MFHAS1: variants seen among roughly 807,000 people sequenced by gnomAD.
MFHAS1 encodes the protein malignant fibrous histiocytoma-amplified sequence 1.
In MFHAS1, 50 loss-of-function variants were observed where a neutral mutation model predicts 70.4. The observed-to-expected ratio is 0.71, with a 90% CI of 0.57 to 0.90. The LOEUF (loss-of-function observed/expected upper bound fraction) is 0.90. MFHAS1 is among the 40% of genes least tolerant of loss of function. MFHAS1 has a pLI of 0.00. For missense variants in MFHAS1, 1,795 were observed against 1,347.6 expected, an observed-to-expected ratio of 1.33 and a Z score of -5.20; for synonymous variants, 952 against 620.0, an observed-to-expected ratio of 1.54 and a Z score of -7.96.
intron 1 of MFHAS1, among the ~76,000 whole-genome samples, chr8:8,802,112 C>G (rs1466113109): frequency 6.6e-6 from 1 of 152,190 alleles, no homozygotes; most frequent in Non-Finnish European, 1.5e-5. Flanking sequence ...GCACTTTTTA[C>G]TGGCTTAATG....
At chr8:8,811,065 A>G (rs2117282933) in intron 1 of MFHAS1, among the ~76,000 whole-genome samples, 1 of 152,210 alleles carries the variant, frequency 6.6e-6, no homozygotes, top group South Asian at 2.1e-4. Flanking sequence ...GCGCAGGCAG[A>G]AACATCTCCC....
intron 1 of MFHAS1, among the ~76,000 whole-genome samples, chr8:8,869,454 T>A (rs1239636782): frequency 6.6e-6 from 1 of 152,088 alleles, no homozygotes; most frequent in Non-Finnish European, 1.5e-5. Context: ...CGGTGACAGG[T>A]TACTAGATAT....
chr8:8,833,907 C>G (rs966893409), intron 1 of MFHAS1, among the ~76,000 whole-genome samples: 1 of 152,120 alleles, frequency 6.6e-6, no homozygotes, highest in African/African-American at 2.4e-5. Flanking sequence ...GGGCGGATCA[C>G]CTGAGGACAG....
intron 1 of MFHAS1, among the ~76,000 whole-genome samples, chr8:8,835,181 A>G (rs1807553126): frequency 1.8e-5 from 1 of 54,308 alleles, no homozygotes; most frequent in Non-Finnish European, 4.9e-5. Context: ...CATTTGGGGT[A>G]ATGGGAGTGA....
chr8:8,792,024 G>T (rs375474720), intron 2 of MFHAS1, among the ~76,000 whole-genome samples: 7 of 150,782 alleles, frequency 4.6e-5, no homozygotes, highest in Admixed American at 4.0e-4. Context: ...GGCGGATCAC[G>T]GTCAGGAGAT....
At chr8:8,786,179 C>T (rs1805535987) in intron 2 of MFHAS1, 124 bp from the exon 3 acceptor site, 2 of 904,226 alleles carry the variant, frequency 2.2e-6, no homozygotes, top group East Asian at 5.0e-5. Context: ...TTTCTACTTC[C>T]AGGACTCATT....
At chr8:8,870,301 A>AG (rs1679881519) in intron 1 of MFHAS1, among the ~76,000 whole-genome samples, 2 of 42,762 alleles carry the variant, frequency 4.7e-5, no homozygotes, top group Admixed American at 7.4e-4. Flanking sequence ...AAAAAAAAAA[A>AG]AAAAAAAAAA....
Position 8,892,801 on chromosome 8 carries a change from C to T in MFHAS1, c.258G>A (p.Leu86=), listed in dbSNP as rs895388200. ...EEVPEGLGSA[L]GSLRVLVLRR... ...GCAGGACCAGGACGCGCAGGCTGCC[C>T]AGCGCCGACCCCAGCCCCTCGGGTA... The change falls in exon 1 of 3, where the codon CTG becomes CTA. Residue 86 remains leucine, a synonymous_variant. Coordinates refer to ENST00000276282, the MANE Select transcript of MFHAS1 (RefSeq NM_004225.3). This position sits in a 1 kb window ranked among gnomAD's most constrained non-coding sequence, Gnocchi z 4.7. 6 of 1,587,254 alleles carry T rather than the reference C, an allele frequency of 3.8e-6. No homozygotes were observed. Among genetic ancestry groups the T allele is most frequent in the Non-Finnish European group, 4.3e-6 (5 of 1,167,364 alleles).
chr8:8,803,055 G>A (rs948857227), intron 1 of MFHAS1, among the ~76,000 whole-genome samples: 1 of 152,122 alleles, frequency 6.6e-6, no homozygotes. Flanking sequence ...ATACTCTTAA[G>A]GGGTTTTGGG....
chr8:8,795,991 A>G (rs1398274225), intron 2 of MFHAS1, among the ~76,000 whole-genome samples: 1 of 152,200 alleles, frequency 6.6e-6, no homozygotes, highest in Non-Finnish European at 1.5e-5. Context: ...AGATCATGAG[A>G]TCTGACCCAA....
chr8:8,892,473 A>G lies in MFHAS1; in HGVS notation c.586T>C (p.Phe196Leu). Reference protein sequence around the residue: ...LDVDHNQLTAFPRQLLQLVAL... With the variant: ...LDVDHNQLTALPRQLLQLVAL... ...ACCAGCTGCAGCAGCTGCCGGGGGA[A>G]GGCAGTGAGCTGGTTGTGATCCACG... Residue 196 changes from phenylalanine to leucine, a missense_variant, in exon 1 of 3, where the codon TTC (phenylalanine) becomes CTC (leucine). Physicochemically the swap from Phe to Leu is conservative, Grantham distance 22. Transcript: ENST00000276282. The surrounding 1 kb of genome is among the most constrained non-coding windows in gnomAD (Gnocchi z 4.7). The G allele has an allele frequency of 6.2e-7, 1 of 1,607,894 alleles. No homozygotes were observed. The highest frequency in any genetic ancestry group is 8.5e-7 in the Non-Finnish European group (1 of 1,177,270).
intron 1 of MFHAS1, among the ~76,000 whole-genome samples, chr8:8,846,412 A>T (rs1563201642): frequency 6.6e-6 from 1 of 151,896 alleles, no homozygotes. Flanking sequence ...CTCCACTGCT[A>T]CTATGCAAGT....
chr8:8,887,884 A>G (rs918422326), intron 1 of MFHAS1, among the ~76,000 whole-genome samples: 1 of 149,652 alleles, frequency 6.7e-6, no homozygotes, highest in Admixed American at 6.7e-5. Context: ...AAAAACCTCC[A>G]GCCTCGCCCC....
At chr8:8,810,963 C>A (rs565774451) in intron 1 of MFHAS1, among the ~76,000 whole-genome samples, 94 of 152,214 alleles carry the variant, frequency 6.2e-4, no homozygotes, top group Non-Finnish European at 9.3e-4. Context: ...AGGAGAAAAC[C>A]CACAGGCTTG....
At position 8,891,246 on chromosome 8, in the gene MFHAS1, G is replaced by A. The variant is rs1236298247; in HGVS notation, c.1813C>T (p.Arg605Trp). The A allele has an allele frequency of 6.2e-7, 1 of 1,612,190 alleles. No individual in the cohort carries two copies. The highest frequency in any genetic ancestry group is 8.5e-7 in the Non-Finnish European group (1 of 1,180,028). Residue 605 changes from arginine (R) to tryptophan (W), a missense_variant, in exon 1 of 3, where the codon CGG becomes TGG. Physicochemically the swap from Arg to Trp is moderately radical, Grantham distance 101. Transcript: ENST00000276282. This position sits in a 1 kb window ranked among gnomAD's most constrained non-coding sequence, Gnocchi z 5.4. The part of the protein sequence containing the change: ...YYGVSDKNLR[R>W]RKAHFQYLLN... ...AGGTATTGAAAATGGGCCTTGCGCC[G>A]TCGAAGGTTCTTGTCCGAAACGCCA...
rs1585080591 is a variant in MFHAS1 at position 8,892,992 on chromosome 8, T to C, written c.67A>G (p.Arg23Gly). ...TGGCGCAGGTTGCTCCGCAGCTTCC[T>C]GGCACGCAGGGCGGCGTCCCGCCAC... is the stretch of plus-strand genomic sequence containing the variant. ...RLWRDAALRA[R>G]KLRSNLRQLT... Residue 23 changes from arginine (R) to glycine (G), a missense_variant, in exon 1 of 3, where the codon AGG becomes GGG. Transcript: ENST00000276282. The surrounding 1 kb of genome is among the most constrained non-coding windows in gnomAD (Gnocchi z 4.7). The C allele has an allele frequency of 2.6e-6, 4 of 1,533,278 alleles. No individual in the cohort carries two copies. The highest frequency in any genetic ancestry group is 3.5e-6 in the Non-Finnish European group (4 of 1,142,424). 95.0% of individuals were successfully genotyped at this position (1,533,278 alleles called of 1,614,324 possible).
At chr8:8,833,954 C>T (rs897001214) in intron 1 of MFHAS1, among the ~76,000 whole-genome samples, 5 of 151,986 alleles carry the variant, frequency 3.3e-5, no homozygotes, top group African/African-American at 4.8e-5. Context: ...GGTAAAACCC[C>T]GTCTCTACTA....
intron 1 of MFHAS1, among the ~76,000 whole-genome samples, chr8:8,873,940 G>A (rs775322906): frequency 5.9e-5 from 9 of 152,240 alleles, no homozygotes; most frequent in Non-Finnish European, 7.4e-5. Context: ...ACTGCATCAC[G>A]TGTAATGGCT....
chr8:8,807,378 T>A (rs1159876699), intron 1 of MFHAS1, among the ~76,000 whole-genome samples: 3 of 152,142 alleles, frequency 2.0e-5, no homozygotes, highest in Admixed American at 6.5e-5. Context: ...TTCATTTCGG[T>A]CTCTGTGGTC....
Sources: gnomAD v4.1 joint callset for allele counts (sites outside exome capture counted in the v4.1 genomes callset) on GRCh38, gnomAD v4.1.1 for gene constraint, Gnocchi (gnomAD v3.1) non-coding constraint, MANE v1.5 for transcripts, NCBI Gene and HGNC (gene_info 2026-07-23, HGNC 2026-07-21) for gene names.